BCL2L15: variants seen among roughly 807,000 people sequenced by gnomAD.
BCL2L15 encodes BCL2 like 15, also known as bcl-2-like protein 15.
In BCL2L15, 15 loss-of-function variants were observed where a neutral mutation model predicts 18.3. The ratio of observed to expected loss-of-function variants is 0.82; its 90% CI spans 0.55 to 1.26. The LOEUF (loss-of-function observed/expected upper bound fraction) is 1.26. Ranked by LOEUF, BCL2L15 falls within the 50% of genes most tolerant of loss-of-function variation. BCL2L15 has a pLI of 0.00. For missense variants in BCL2L15, 180 were observed against 201.7 expected (o/e 0.89, Z 0.65); for synonymous variants, 58 against 68.5 (o/e 0.85, Z 0.76).
intron 1 of BCL2L15, 31 bp downstream of exon 1, chr1:113,887,218 C>G: frequency 6.2e-7 from 1 of 1,604,788 alleles, no homozygotes; most frequent in Non-Finnish European, 8.5e-7. Context: ...TCTTATTGAC[C>G]TGCAATCACC....
In BCL2L15 at chr1:113,880,803, C is replaced by T. The variant is rs1666858118; in HGVS notation, c.*320G>A. ...GCCTGCCCTGTTGCTTATAATTCCACTACTAACAAGTCATTACTTTGTGTC... is the reference window on the plus strand; with the variant it reads ...GCCTGCCCTGTTGCTTATAATTCCATTACTAACAAGTCATTACTTTGTGTC... On this transcript the variant is annotated 3_prime_UTR_variant, in exon 4 of 4. Coordinates refer to ENST00000393316, the MANE Select transcript of BCL2L15 (RefSeq NM_001010922.3). The T allele has an allele frequency of 2.9e-6, 1 of 343,448 alleles. No homozygotes were observed. 21.3% of individuals were successfully genotyped at this position (343,448 alleles called of 1,614,324 possible). A position where few individuals can be genotyped will look rare whatever the true frequency, so the allele number is the denominator to read the frequency against.
At chr1:113,881,554 A>G in intron 3 of BCL2L15, 1 of 1,399,088 alleles carries the variant, frequency 7.1e-7, no homozygotes, top group Non-Finnish European at 9.3e-7. Context: ...TCAGCAGTCA[A>G]TATTTAAGGT....
intron 2 of BCL2L15, among the ~76,000 whole-genome samples, chr1:113,885,348 C>T: frequency 6.6e-6 from 1 of 152,272 alleles, no homozygotes; most frequent in East Asian, 1.9e-4. Context: ...GTAACAGGTC[C>T]AGCTCTGCCT....
intron 1 of BCL2L15, 111 bp downstream of exon 1, chr1:113,887,138 T>C: frequency 2.1e-6 from 2 of 965,950 alleles, no homozygotes; most frequent in South Asian, 1.5e-5. Context: ...CTTCAGGTGA[T>C]CCACCCACCT....
chr1:113,882,030 A>G, intron 2 of BCL2L15, 33 bp from the exon 3 acceptor site: 1 of 1,584,876 alleles, frequency 6.3e-7, no homozygotes, highest in Non-Finnish European at 8.6e-7. Context: ...TCAACAGAGT[A>G]TCACTCAAAA....
At chr1:113,884,899 G>T (rs941506521) in intron 2 of BCL2L15, among the ~76,000 whole-genome samples, 2 of 151,362 alleles carry the variant, frequency 1.3e-5, no homozygotes, top group African/African-American at 4.9e-5. Flanking sequence ...CAGCCTCCCA[G>T]GTAGCTAGGA....
rs1666752791 is a variant in BCL2L15, at chr1:113,877,322, G to T, written c.*3801C>A. On this transcript the variant is annotated 3_prime_UTR_variant, in exon 4 of 4. Coordinates refer to ENST00000393316, the MANE Select transcript of BCL2L15 (RefSeq NM_001010922.3). ...GATGAACAGTAGGGAGCAGCTGAAG[G>T]TTTTTTTTTTTTTTTTAAAAAAAAC... 7.0e-6 allele frequency among the ~76,000 whole-genome samples: 1 copy of T among 142,900 alleles called. No individual in the cohort carries two copies. 93.7% of individuals were successfully genotyped at this position (142,900 alleles called of 152,430 possible).
rs1259499487 is a variant in BCL2L15 at position 113,880,440 on chromosome 1, C to T, written c.*683G>A. The T allele has an allele frequency of 1.3e-5, 2 of 152,272 alleles. No individual in the cohort carries two copies. The highest frequency in any genetic ancestry group is 3.9e-4 in the East Asian group (2 of 5,190). 9.4% of individuals were successfully genotyped at this position (152,272 alleles called of 1,614,324 possible). ...AGGAGATCCAGACCATCCTGGCTAACACGGCGAAACCTCATCTCTACTAAA... is the reference window on the plus strand; with the variant it reads ...AGGAGATCCAGACCATCCTGGCTAATACGGCGAAACCTCATCTCTACTAAA... On this transcript the variant is annotated 3_prime_UTR_variant, in exon 4 of 4. Transcript: ENST00000393316.
At position 113,880,612 on chromosome 1, in the gene BCL2L15, T is replaced by C. The variant is rs761346103; in HGVS notation, c.*511A>G. The stretch of plus-strand genomic sequence containing the variant: ...CTGCACTCCAGCCTGGGTGACAGAG[T>C]GAGACTACGTCTAAAAAAAAAAAAA... On this transcript the variant is annotated 3_prime_UTR_variant, in exon 4 of 4. Transcript: ENST00000393316. 1.4e-4 allele frequency: 22 copies of C among 154,046 alleles called. No individual in the cohort carries two copies. The highest frequency in any genetic ancestry group is 2.4e-4 in the Non-Finnish European group (17 of 70,070). The allele number at this position is 154,046 out of a possible 1,614,324, so 9.5% of individuals were successfully genotyped here. A position where few individuals can be genotyped will look rare whatever the true frequency, so the allele number is the denominator to read the frequency against.
intron 2 of BCL2L15, among the ~76,000 whole-genome samples, chr1:113,885,903 C>T (rs1236674848): frequency 6.8e-6 from 1 of 146,656 alleles, no homozygotes; most frequent in Non-Finnish European, 1.5e-5. Context: ...GAGTGAGACT[C>T]CATCTCAAAA....
intron 2 of BCL2L15, 83 bp from the exon 3 acceptor site, chr1:113,882,080 T>C (rs1666894992): frequency 2.7e-6 from 3 of 1,131,282 alleles, no homozygotes; most frequent in African/African-American, 1.5e-5. Context: ...AGTAAAGCAA[T>C]TGTTTCTTAG....
chr1:113,883,723 G>T (rs1216628782), intron 2 of BCL2L15, among the ~76,000 whole-genome samples: 4 of 152,174 alleles, frequency 2.6e-5, no homozygotes, highest in African/African-American at 9.7e-5. Context: ...GGCAGGGGTT[G>T]CAGTGAGCGG....
Position 113,879,366 on chromosome 1 carries a change from C to G in BCL2L15, c.*1757G>C, listed in dbSNP as rs1369122288. ...GTAGTCTGGTTTTTGGAGTCTCTAC[C>G]TGATGACTGCCTACTAATCTATTAG... On this transcript the variant is annotated 3_prime_UTR_variant, in exon 4 of 4. Coordinates refer to ENST00000393316, the MANE Select transcript of BCL2L15 (RefSeq NM_001010922.3). 1 of 152,304 alleles carries G rather than the reference C, an allele frequency of 6.6e-6. No individual in the cohort carries two copies. Among genetic ancestry groups the G allele is most frequent in the Non-Finnish European group, 1.5e-5 (1 of 68,030 alleles). 9.4% of individuals were successfully genotyped at this position (152,304 alleles called of 1,614,324 possible). A position where few individuals can be genotyped will look rare whatever the true frequency, so the allele number is the denominator to read the frequency against.
In BCL2L15 at chr1:113,887,525, T is replaced by A. The variant is rs1366090385; in HGVS notation, c.-150A>T. The A allele has an allele frequency of 4.0e-5, 42 of 1,037,798 alleles. No individual in the cohort carries two copies. The highest frequency in any genetic ancestry group is 5.5e-5 in the Non-Finnish European group (39 of 708,446). The allele number at this position is 1,037,798 out of a possible 1,614,324, so 64.3% of individuals were successfully genotyped here. A position where few individuals can be genotyped will look rare whatever the true frequency, so the allele number is the denominator to read the frequency against. On this transcript the variant is annotated 5_prime_UTR_variant, in exon 1 of 4. Coordinates refer to ENST00000393316, the MANE Select transcript of BCL2L15 (RefSeq NM_001010922.3). Reference sequence around the variant, plus strand: ...CTGGAACTTTTCCCACTAGCTTTCTTCAAACACAGCTGCTCAGAAAGGTGG... The same window carrying A: ...CTGGAACTTTTCCCACTAGCTTTCTACAAACACAGCTGCTCAGAAAGGTGG...
intron 2 of BCL2L15, among the ~76,000 whole-genome samples, chr1:113,884,900 G>C (rs1421038929): frequency 6.6e-6 from 1 of 151,780 alleles, no homozygotes; most frequent in East Asian, 1.9e-4. Flanking sequence ...AGCCTCCCAG[G>C]TAGCTAGGAT....
chr1:113,885,830 C>T (rs1015966549), intron 2 of BCL2L15, among the ~76,000 whole-genome samples: 3 of 151,796 alleles, frequency 2.0e-5, no homozygotes, highest in African/African-American at 4.8e-5. Context: ...ATTGCTTGAA[C>T]CCGGTGGGTG....
At chr1:113,885,851 T>C (rs1217534290) in intron 2 of BCL2L15, among the ~76,000 whole-genome samples, 1 of 150,860 alleles carries the variant, frequency 6.6e-6, no homozygotes, top group Non-Finnish European at 1.5e-5. Context: ...GAGGTTGCAG[T>C]GAGCCGAGAT....
chr1:113,887,111 G>A (rs563551703), intron 1 of BCL2L15, 138 bp downstream of exon 1: 19 of 731,886 alleles, frequency 2.6e-5, no homozygotes, highest in Middle Eastern at 8.1e-4. Context: ...TTGGCCAGGC[G>A]GATCTCAAAC....
In BCL2L15 at chr1:113,881,929, T is replaced by G; in HGVS notation, c.318A>C (p.Leu106Phe). 2 of 1,614,178 alleles carry G rather than the reference T, an allele frequency of 1.2e-6. No individual in the cohort carries two copies. The highest frequency in any genetic ancestry group is 2.2e-5 in the South Asian group (2 of 91,088). Residue 106 changes from leucine to phenylalanine, a missense_variant, in exon 3 of 4, where the codon TTA becomes TTC. Transcript: ENST00000393316. ...SKTWCAQDSS[L>F]AYERAFLAVS... ...CTGCCAGAAAAGCTCTCTCATAAGC[T>G]AAGCTGGAATCCTGAGCACACCAGG...
Sources: allele counts gnomAD v4.1 joint callset (sites outside exome capture counted in the v4.1 genomes callset), GRCh38; gene constraint gnomAD v4.1.1; transcripts MANE v1.5; gene names NCBI Gene and HGNC (gene_info 2026-07-23, HGNC 2026-07-21).